The following CCNE1 variants were observed in gnomAD, a reference collection of about 807,000 sequenced individuals.
CCNE1 encodes the protein G1/S-specific cyclin-E1.
In CCNE1, 8 loss-of-function variants were observed where a neutral mutation model predicts 54.1. The observed-to-expected ratio is 0.15, with a 90% CI of 0.09 to 0.27. CCNE1 has a LOEUF of 0.27. Among genes scored for constraint, CCNE1 ranks in the 10% least tolerant of loss-of-function variants. The pLI is 1.00. For missense variants in CCNE1, 430 were observed against 514.9 expected (o/e 0.84, Z 1.60); for synonymous variants, 179 against 185.2 (o/e 0.97, Z 0.27).
Position 29,817,857 on chromosome 19 carries a change from C to CTTTTTT in CCNE1, c.462+332_462+337dup, listed in dbSNP as rs34598025. Among the ~76,000 whole-genome samples the CTTTTTT allele has an allele frequency of 7.0e-4, 67 of 95,902 alleles. 1 individual carries two copies. Among genetic ancestry groups the CTTTTTT allele is most frequent in the East Asian group, 1.2e-3 (3 of 2,466 alleles). The allele number at this position is 95,902 out of a possible 152,430, so 62.9% of individuals were successfully genotyped here. A position where few individuals can be genotyped will look rare whatever the true frequency, so the allele number is the denominator to read the frequency against. ...TTTGTTCATTATGTTCATTAAATTG[C>CTTTTTT]TTTTTTTTTTTTTTTTTTTTTGAGA... On this transcript the variant is annotated intron_variant, in intron 6 of 11. Transcript: ENST00000262643.
chr19:29,824,029 C>CT lies in CCNE1; in HGVS notation c.*253dup. On this transcript the variant is annotated 3_prime_UTR_variant, in exon 12 of 12. Transcript: ENST00000262643. ...ACACCAGTGCGTGCTCCCGATGCTG[C>CT]TATGGAAGGTGCTACTTGACCTAAG... The CT allele has an allele frequency of 2.6e-6, 1 of 383,182 alleles. No homozygotes were observed. The highest frequency in any genetic ancestry group is 4.7e-6 in the Non-Finnish European group (1 of 213,888). The allele number at this position is 383,182 out of a possible 1,614,324, so 23.7% of individuals were successfully genotyped here.
chr19:29,820,181 T>C (rs959291277), intron 6 of CCNE1, among the ~76,000 whole-genome samples: 1 of 152,196 alleles, frequency 6.6e-6, no homozygotes, highest in African/African-American at 2.4e-5. Flanking sequence ...TCCACGGGGA[T>C]GTGCGGGCAA....
In CCNE1 at chr19:29,824,007, C is replaced by G; in HGVS notation, c.*230C>G. 1 of 421,782 alleles carries G rather than the reference C, an allele frequency of 2.4e-6. No homozygotes were observed. Among genetic ancestry groups the G allele is most frequent in the Non-Finnish European group, 4.2e-6 (1 of 237,808 alleles). 26.1% of individuals were successfully genotyped at this position (421,782 alleles called of 1,614,324 possible). ...CAAGTACACCAGCCACCTCCAGACA[C>G]CAGTGCGTGCTCCCGATGCTGCTAT... On this transcript the variant is annotated 3_prime_UTR_variant, in exon 12 of 12. Transcript: ENST00000262643.
chr19:29,816,355 A>G (rs1974015563), intron 4 of CCNE1, among the ~76,000 whole-genome samples: 1 of 152,224 alleles, frequency 6.6e-6, no homozygotes. Flanking sequence ...AAAATTGAAT[A>G]CATATCTGAA....
intron 4 of CCNE1, among the ~76,000 whole-genome samples, chr19:29,815,408 T>C (rs945678602): frequency 6.6e-6 from 1 of 152,170 alleles, no homozygotes; most frequent in Non-Finnish European, 1.5e-5. Flanking sequence ...ATAATTTGCA[T>C]GCCCAATTCT....
intron 4 of CCNE1, among the ~76,000 whole-genome samples, chr19:29,816,895 C>T (rs1974030291): frequency 7.5e-6 from 1 of 132,890 alleles, no homozygotes; most frequent in Non-Finnish European, 1.5e-5. Flanking sequence ...ATGTGAAGTG[C>T]TTATGTAAAT....
Position 29,821,805 on chromosome 19 carries a change from A to T in CCNE1, c.693A>T (p.Leu231Phe), listed in dbSNP as rs1460807723. The T allele has an allele frequency of 1.2e-6, 2 of 1,610,520 alleles. No homozygotes were observed. Among genetic ancestry groups the T allele is most frequent in the Admixed American group, 1.7e-5 (1 of 60,000 alleles). Residue 231 changes from leucine to phenylalanine, a missense_variant, in exon 8 of 12, where the codon TTA becomes TTT. Leu to Phe is a conservative substitution (Grantham distance 22). Transcript: ENST00000262643. The stretch of plus-strand genomic sequence containing the variant: ...GAGATGAAATTCTCACCATGGAATT[A>T]ATGATTATGAAGGTGGGTTCCAGTG... ...CSGDEILTME[L>F]MIMKALKWRL...
chr19:29,823,742 G>A lies in CCNE1; in HGVS notation c.1198G>A (p.Gly400Ser), dbSNP rs764865470. 3.1e-5 allele frequency: 50 copies of A among 1,613,950 alleles called. No homozygotes were observed. The highest frequency in any genetic ancestry group is 4.0e-5 in the African/African-American group (3 of 74,940). The change falls in exon 12 of 12, where the codon GGT becomes AGT. Residue 400 changes from glycine (G) to serine (S), a missense_variant. Coordinates refer to ENST00000262643, the MANE Select transcript of CCNE1 (RefSeq NM_001238.4). ...TGGGCTCCTCACCCCGCCACAGAGC[G>A]GTAAGAAGCAGAGCAGCGGGCCGGA... ...PSGLLTPPQS[G>S]KKQSSGPEMA
At position 29,820,926 on chromosome 19, in the gene CCNE1, G is replaced by A. The variant is rs535478726; in HGVS notation, c.609+78G>A. 99 of 1,173,610 alleles carry A rather than the reference G, an allele frequency of 8.4e-5. 1 individual carries two copies. Among genetic ancestry groups the A allele is most frequent in the South Asian group, 6.1e-4 (47 of 76,584 alleles). The allele number at this position is 1,173,610 out of a possible 1,614,324, so 72.7% of individuals were successfully genotyped here. A position where few individuals can be genotyped will look rare whatever the true frequency, so the allele number is the denominator to read the frequency against. On this transcript the variant is annotated intron_variant, in intron 7 of 11. Transcript: ENST00000262643. ...ACTGAGATTGGGGGAAGAGGTTGGCGCTTAGCCTATAGCACTCATCCTAAA... is the reference window on the plus strand; with the variant it reads ...ACTGAGATTGGGGGAAGAGGTTGGCACTTAGCCTATAGCACTCATCCTAAA...
rs1568371142 is a variant in CCNE1, at chr19:29,822,003, A to C, written c.713A>C (p.Lys238Thr). ...TMELMIMKAL[K>T]WRLSPLTIVS... ...CTCTCTGTTTTCCTTTAGGCCCTTA[A>C]GTGGCGTTTAAGTCCCCTGACTATT... The change falls in exon 9 of 12, where the codon AAG (lysine) becomes ACG (threonine). Residue 238 changes from lysine (K) to threonine (T), a missense_variant. Lys to Thr is a moderately conservative substitution (Grantham distance 78). Transcript: ENST00000262643. The C allele has an allele frequency of 1.9e-6, 3 of 1,610,128 alleles. No homozygotes were observed. Among genetic ancestry groups the C allele is most frequent in the Non-Finnish European group, 2.5e-6 (3 of 1,178,068 alleles).
intron 4 of CCNE1, chr19:29,813,285 A>T (rs1973938006): frequency 3.7e-6 from 2 of 541,036 alleles, no homozygotes; most frequent in Non-Finnish European, 6.6e-6. Context: ...CTAGCCTGGA[A>T]GAACCAGAAT....
chr19:29,817,857 CTTTTTTTTTT>C (rs34598025), intron 6 of CCNE1, among the ~76,000 whole-genome samples: 2 of 95,910 alleles, frequency 2.1e-5, no homozygotes, highest in Admixed American at 2.9e-4. Flanking sequence ...CATTAAATTG[CTTTTTTTTTT>C]TTTTTTTTTT....
chr19:29,812,772 C>T lies in CCNE1; in HGVS notation c.107C>T (p.Thr36Ile). 6.3e-7 allele frequency: 1 copy of T among 1,589,970 alleles called. No homozygotes were observed. Among genetic ancestry groups the T allele is most frequent in the South Asian group, 1.1e-5 (1 of 87,382 alleles). The part of the protein sequence containing the change: ...ARSRKRKANV[T>I]VFLQDPDEEM... Reference sequence around the variant, plus strand: ...TCCAGGAAGAGGAAGGCAAACGTGACCGTTGTGAGTACAAAAGAGACAGGT... The same window carrying T: ...TCCAGGAAGAGGAAGGCAAACGTGATCGTTGTGAGTACAAAAGAGACAGGT... The change falls in exon 3 of 12, where the codon ACC (threonine) becomes ATC (isoleucine). Residue 36 changes from threonine (T) to isoleucine (I), a missense_variant. This residue lies in a region of CCNE1 where 127 missense variants were observed against 113.8 expected (regional missense o/e 1.12). Transcript: ENST00000262643.
Position 29,820,713 on chromosome 19 carries a change from C to A in CCNE1, c.474C>A (p.Val158=), listed in dbSNP as rs746699739. The A allele has an allele frequency of 6.2e-7, 1 of 1,609,166 alleles. No homozygotes were observed. The highest frequency in any genetic ancestry group is 2.2e-5 in the East Asian group (1 of 44,766). Reference sequence around the variant, plus strand: ...AAATATGTTTTCAGGTGTGTGAAGTCTATAAACTTCACAGGGAGACCTTTT... The same window carrying A: ...AAATATGTTTTCAGGTGTGTGAAGTATATAAACTTCACAGGGAGACCTTTT... The part of the protein sequence containing the change: ...LLDWLMEVCE[V]YKLHRETFYL... Residue 158 remains valine (V), a synonymous_variant, in exon 7 of 12, where the codon GTC becomes GTA. Transcript: ENST00000262643.
Position 29,817,205 on chromosome 19 carries a change from T to C in CCNE1, c.249T>C (p.Asp83=), listed in dbSNP as rs752779016. 1.3e-4 allele frequency: 209 copies of C among 1,614,070 alleles called. No individual in the cohort carries two copies. The Admixed American group carries it at 3.5e-3, about 27-fold the overall frequency. Residue 83 remains aspartate, a synonymous_variant, in exon 5 of 12, where the codon GAT becomes GAC. Coordinates refer to ENST00000262643, the MANE Select transcript of CCNE1 (RefSeq NM_001238.4). The part of the protein sequence containing the change: ...SLIPTPDKED[D]DRVYPNSTCK... ...TCCCCACACCTGACAAAGAAGATGATGACCGGGTTTACCCAAACTCAACGT... is the reference window on the plus strand; with the variant it reads ...TCCCCACACCTGACAAAGAAGATGACGACCGGGTTTACCCAAACTCAACGT...
intron 6 of CCNE1, among the ~76,000 whole-genome samples, chr19:29,818,759 A>G (rs1410615796): frequency 7.1e-6 from 1 of 140,276 alleles, no homozygotes; most frequent in Non-Finnish European, 1.5e-5. Context: ...GCGAGACCCC[A>G]TGTCTTTTTT....
At chr19:29,823,507 C>A in intron 11 of CCNE1, 148 bp from the exon 12 acceptor site, 1 of 506,028 alleles carries the variant, frequency 2.0e-6, no homozygotes, top group Non-Finnish European at 3.1e-6. Context: ...CGAGATCCCA[C>A]CACTGTACTA....
At chr19:29,823,383 A>G (rs1267584286) in intron 11 of CCNE1, among the ~76,000 whole-genome samples, 1 of 152,094 alleles carries the variant, frequency 6.6e-6, no homozygotes, top group Non-Finnish European at 1.5e-5. Flanking sequence ...GTCTCTATGA[A>G]AAATACAAAA....
chr19:29,823,688 G>C lies in CCNE1; in HGVS notation c.1144G>C (p.Glu382Gln). ...KARAKKAMLS[E>Q]QNRASPLPSG... Reference sequence around the variant, plus strand: ...CCGAGCAAAGAAAGCCATGTTGTCTGAACAAAATAGGGCTTCTCCTCTCCC... The same window carrying C: ...CCGAGCAAAGAAAGCCATGTTGTCTCAACAAAATAGGGCTTCTCCTCTCCC... Residue 382 changes from glutamate (E) to glutamine (Q), a missense_variant, in exon 12 of 12, where the codon GAA becomes CAA. Glu to Gln is a conservative substitution (Grantham distance 29). Transcript: ENST00000262643. 6.2e-7 allele frequency: 1 copy of C among 1,614,148 alleles called. No homozygotes were observed. Among genetic ancestry groups the C allele is most frequent in the Non-Finnish European group, 8.5e-7 (1 of 1,179,980 alleles).
Sources: allele counts gnomAD v4.1 joint callset (sites outside exome capture counted in the v4.1 genomes callset), GRCh38; gene constraint gnomAD v4.1.1; regional missense constraint gnomAD v4.1.1; transcripts MANE v1.5; gene names NCBI Gene and HGNC (gene_info 2026-07-23, HGNC 2026-07-21).